POLD3: variants seen among roughly 807,000 people sequenced by gnomAD.
The protein encoded by POLD3 is DNA polymerase delta subunit 3.
In POLD3, 19 loss-of-function variants were observed where a neutral mutation model predicts 58.2. The ratio of observed to expected loss-of-function variants is 0.33; its 90% CI spans 0.23 to 0.48. The LOEUF is 0.48. POLD3 is among the 20% of genes least tolerant of loss of function. The probability of loss-of-function intolerance (pLI) is 0.99; values close to 1 mark genes in which losing one functional copy is unlikely to be tolerated. For missense variants in POLD3, 504 were observed against 545.5 expected, an observed-to-expected ratio of 0.92 and a Z score of 0.76; for synonymous variants, 172 against 193.5, an observed-to-expected ratio of 0.89 and a Z score of 0.92.
intron 4 of POLD3, among the ~76,000 whole-genome samples, chr11:74,659,094 C>G (rs2033172800): frequency 1.3e-5 from 2 of 152,344 alleles, no homozygotes; most frequent in Non-Finnish European, 2.9e-5. Context: ...CATACATCTT[C>G]TGAAATCTAG....
intron 8 of POLD3, chr11:74,628,972 G>A (rs1245873229): frequency 2.9e-5 from 9 of 314,486 alleles, no homozygotes; most frequent in African/African-American, 1.3e-4. Context: ...TGATAACCTG[G>A]TTGTAGCTTC....
At chr11:74,604,191 C>CA (rs1243663612) in intron 2 of POLD3, among the ~76,000 whole-genome samples, 1 of 152,072 alleles carries the variant, frequency 6.6e-6, no homozygotes, top group African/African-American at 2.4e-5. Context: ...ACACATCTCC[C>CA]AAAAAAGCAC....
Position 74,665,391 on chromosome 11 carries a change from A to ATTTTT in POLD3, c.370-3367_370-3363dup, listed in dbSNP as rs1202426924. Among the ~76,000 whole-genome samples, 517 of 83,290 alleles carry ATTTTT rather than the reference A, an allele frequency of 6.2e-3. 20 individuals carry two copies. The highest frequency in any genetic ancestry group is 0.017 in the African/African-American group (349 of 19,958). 54.6% of individuals were successfully genotyped at this position (83,290 alleles called of 152,430 possible). ...TGACAAAATCTAGCACCCTTTTATA[A>ATTTTT]TTTTTTTTTTTTTTTTTTTTTTTGA... On this transcript the variant is annotated intron_variant, in intron 4 of 4. Coordinates refer to the POLD3 transcript ENST00000524752.
intron 2 of POLD3, among the ~76,000 whole-genome samples, chr11:74,599,650 C>T (rs1013006770): frequency 2.0e-5 from 3 of 152,142 alleles, no homozygotes; most frequent in Non-Finnish European, 2.9e-5. Context: ...GCTTGAGCCA[C>T]CGTGCCTGGC....
intron 4 of POLD3, among the ~76,000 whole-genome samples, chr11:74,649,161 C>G (rs2033037484): frequency 6.6e-6 from 1 of 152,272 alleles, no homozygotes; most frequent in African/African-American, 2.4e-5. Flanking sequence ...GACTGCATCT[C>G]CCTGGAATTC....
At chr11:74,648,814 A>G (rs772761256) in intron 4 of POLD3, among the ~76,000 whole-genome samples, 3 of 152,244 alleles carry the variant, frequency 2.0e-5, no homozygotes, top group Non-Finnish European at 4.4e-5. Flanking sequence ...AGTAGCCTAA[A>G]GGTATAAAGT....
intron 3 of POLD3, among the ~76,000 whole-genome samples, chr11:74,606,031 G>A (rs1466757657): frequency 6.6e-6 from 1 of 152,190 alleles, no homozygotes. Flanking sequence ...GCTGCAGCGA[G>A]CTGTGATTGC....
rs570927848 is a variant in POLD3 at position 74,634,319 on chromosome 11, C to T, written c.1007-264C>T. On this transcript the variant is annotated intron_variant, in intron 9 of 11. Coordinates refer to ENST00000263681, the MANE Select transcript of POLD3 (RefSeq NM_006591.3). Reference sequence around the variant, plus strand: ...TAAGTGGATATTTGTAAACCAACTTCATAACCTGACTAGCTATAAAAGAAA... The same window carrying T: ...TAAGTGGATATTTGTAAACCAACTTTATAACCTGACTAGCTATAAAAGAAA... Among the ~76,000 whole-genome samples the T allele has an allele frequency of 2.0e-5, 3 of 152,208 alleles. No individual in the cohort carries two copies. In the South Asian group the frequency reaches 6.2e-4, roughly 31 times the overall value.
chr11:74,632,000 A>G (rs1270425408), intron 9 of POLD3, among the ~76,000 whole-genome samples: 1 of 152,044 alleles, frequency 6.6e-6, no homozygotes, highest in African/African-American at 2.4e-5. Context: ...CTCTCTTTTT[A>G]AAGCAAAAAA....
intron 4 of POLD3, among the ~76,000 whole-genome samples, chr11:74,651,715 G>A (rs1301716308): frequency 6.6e-6 from 1 of 152,202 alleles, no homozygotes; most frequent in Non-Finnish European, 1.5e-5. Flanking sequence ...GAGCATTTGT[G>A]AAAGTCCAGG....
At chr11:74,621,395 G>A (rs527397193) in intron 7 of POLD3, among the ~76,000 whole-genome samples, 29 of 148,832 alleles carry the variant, frequency 1.9e-4, no homozygotes, top group African/African-American at 5.9e-4. Context: ...TGAAACCACC[G>A]CCCCCGACCC....
chr11:74,594,154 A>ATT, intron 2 of POLD3, 38 bp downstream of exon 2: 1 of 1,271,960 alleles, frequency 7.9e-7, no homozygotes, highest in Non-Finnish European at 1.1e-6. Context: ...TCATATTGGA[A>ATT]TTTTTTTTTG....
At chr11:74,659,328 C>T (rs2033177339) in intron 4 of POLD3, among the ~76,000 whole-genome samples, 2 of 152,198 alleles carry the variant, frequency 1.3e-5, no homozygotes, top group South Asian at 4.2e-4. Context: ...ACTTTTTCCT[C>T]CTGGGCCTCT....
At chr11:74,656,406 G>C (rs1430598208) in intron 4 of POLD3, among the ~76,000 whole-genome samples, 2 of 152,136 alleles carry the variant, frequency 1.3e-5, no homozygotes, top group Non-Finnish European at 2.9e-5. Flanking sequence ...GACCAAAATG[G>C]TGAAAGCCCG....
Position 74,629,290 on chromosome 11 carries a change from A to C in POLD3, c.973A>C (p.Lys325Gln), listed in dbSNP as rs2032520232. 6.2e-7 allele frequency: 1 copy of C among 1,608,180 alleles called. No homozygotes were observed. The highest frequency in any genetic ancestry group is 1.1e-5 in the South Asian group (1 of 90,832). ...CATGAGGAAAAAGAGGAGAAGAATC[A>C]AACTTCCTGAATCTGATAGCAGTGA... Reference protein sequence around the residue: ...ENMRKKRRRIKLPESDSSEDE... With the variant: ...ENMRKKRRRIQLPESDSSEDE... Residue 325 changes from lysine to glutamine, a missense_variant, in exon 9 of 12, where the codon AAA (lysine) becomes CAA (glutamine). This residue lies in a region of POLD3 where 385 missense variants were observed against 370.5 expected (regional missense o/e 1.04). Transcript: ENST00000263681.
intron 5 of POLD3, among the ~76,000 whole-genome samples, chr11:74,613,876 C>G (rs917653231): frequency 6.6e-6 from 1 of 152,190 alleles, no homozygotes; most frequent in African/African-American, 2.4e-5. Context: ...TTGGCAGGGG[C>G]ACTTATCTCC....
chr11:74,660,255 C>T (rs2033188886), intron 4 of POLD3, among the ~76,000 whole-genome samples: 1 of 152,164 alleles, frequency 6.6e-6, no homozygotes, highest in Non-Finnish European at 1.5e-5. Context: ...GGGTCCCTCT[C>T]ACAACAGGTG....
Position 74,642,244 on chromosome 11 carries a change from C to T in POLD3, c.*1478C>T, listed in dbSNP as rs2032932067. ...CAGAAGTTTGGGAGATGAGTCCTGGCATTATGTCTAGGACTAAAGCAGTGG... is the reference window on the plus strand; with the variant it reads ...CAGAAGTTTGGGAGATGAGTCCTGGTATTATGTCTAGGACTAAAGCAGTGG... On this transcript the variant is annotated 3_prime_UTR_variant, in exon 12 of 12. Transcript: ENST00000263681. 1 of 984,694 alleles carries T rather than the reference C, an allele frequency of 1.0e-6. No individual in the cohort carries two copies. Among genetic ancestry groups the T allele is most frequent in the African/African-American group, 1.7e-5 (1 of 57,188 alleles). The allele number at this position is 984,694 out of a possible 1,614,324, so 61.0% of individuals were successfully genotyped here. A position where few individuals can be genotyped will look rare whatever the true frequency, so the allele number is the denominator to read the frequency against.
At chr11:74,597,684 C>T (rs2031326085) in intron 2 of POLD3, among the ~76,000 whole-genome samples, 1 of 152,202 alleles carries the variant, frequency 6.6e-6, no homozygotes, top group Admixed American at 6.5e-5. Flanking sequence ...TGGTCTCGAA[C>T]TCCCAGGCTG....
Sources: allele counts gnomAD v4.1 joint callset (sites outside exome capture counted in the v4.1 genomes callset), GRCh38; gene constraint gnomAD v4.1.1; regional missense constraint gnomAD v4.1.1; transcripts MANE v1.5; gene names NCBI Gene and HGNC (gene_info 2026-07-23, HGNC 2026-07-21).